SYNE1: variants seen among roughly 807,000 people sequenced by gnomAD.
SYNE1 encodes the protein spectrin repeat containing nuclear envelope protein 1.
A neutral mutation model predicts 1,111.0 loss-of-function variants in SYNE1; 616 were observed. That is an observed-to-expected ratio of 0.55 (90% CI 0.52 to 0.59). The LOEUF (loss-of-function observed/expected upper bound fraction) is 0.59. SYNE1 is among the 20% of genes least tolerant of loss of function. SYNE1 has a pLI of 0.00. For synonymous variants in SYNE1, 3,855 were observed against 3,825.8 expected (o/e 1.01, Z -0.28); for missense variants, 10,006 against 10,417.0 (o/e 0.96, Z 1.72).
intron 46 of SYNE1, among the ~76,000 whole-genome samples, 181 bp from the exon 47 acceptor site, chr6:152,401,522 T>A (rs768367837): frequency 2.8e-4 from 42 of 152,136 alleles, no homozygotes; most frequent in Non-Finnish European, 5.6e-4. Flanking sequence ...GCCAAACACA[T>A]GAAGTGATGG....
chr6:152,451,284 A>C, intron 25 of SYNE1, 79 bp from the exon 26 acceptor site: 1 of 1,479,778 alleles, frequency 6.8e-7, no homozygotes, highest in South Asian at 1.1e-5. Context: ...GGCAAAAAAA[A>C]AAACAAAAAC....
At chr6:152,369,436 G>C in intron 60 of SYNE1, 35 bp downstream of exon 60, 1 of 1,614,024 alleles carries the variant, frequency 6.2e-7, no homozygotes, top group Non-Finnish European at 8.5e-7. Context: ...ACAAAGACTA[G>C]GTCAGATGGG....
chr6:152,527,510 A>G (rs956390338), intron 4 of SYNE1, among the ~76,000 whole-genome samples: 1 of 152,228 alleles, frequency 6.6e-6, no homozygotes, highest in Non-Finnish European at 1.5e-5. Context: ...TCATCAGAAT[A>G]AAAGAAGCCA....
intron 110 of SYNE1, among the ~76,000 whole-genome samples, chr6:152,235,043 T>C (rs936885227): frequency 2.6e-5 from 4 of 152,184 alleles, no homozygotes; most frequent in Non-Finnish European, 4.4e-5. Flanking sequence ...CTCTTTCACA[T>C]TGATGCTACT....
At position 152,409,107 on chromosome 6, in the gene SYNE1, C is replaced by T; in HGVS notation, c.6501G>A (p.Val2167=). ...CCACGGTGCTCTCCATGTCTGTTTT[C>T]ACCAAGCTGAAATCACTACTGTGAA... ...KKIHSSDFSL[V]KTDMESTVDK... The change falls in exon 44 of 146, where the codon GTG becomes GTA. Residue 2167 remains valine, a synonymous_variant. Coordinates refer to ENST00000367255, the MANE Select transcript of SYNE1 (RefSeq NM_182961.4). 6.2e-7 allele frequency: 1 copy of T among 1,614,172 alleles called. No homozygotes were observed. The highest frequency in any genetic ancestry group is 1.1e-5 in the South Asian group (1 of 91,086).
chr6:152,441,247 T>C lies in SYNE1; in HGVS notation c.4032A>G (p.Arg1344=), dbSNP rs762887399. Residue 1344 remains arginine (R), a synonymous_variant, in exon 32 of 146, where the codon CGA becomes CGG. Coordinates refer to ENST00000367255, the MANE Select transcript of SYNE1 (RefSeq NM_182961.4). ...RIQVTLRKWE[R]FETNKETVVR... is the part of the protein sequence containing the mutation. The stretch of plus-strand genomic sequence containing the variant: ...CTACTGTTTCTTTGTTTGTTTCAAA[T>C]CGCTCCCATTTTCTTAATGTGACCT... 38 of 1,609,694 alleles carry C rather than the reference T, an allele frequency of 2.4e-5. No individual in the cohort carries two copies. The highest frequency in any genetic ancestry group is 3.2e-5 in the Non-Finnish European group (38 of 1,177,236).
intron 39 of SYNE1, among the ~76,000 whole-genome samples, chr6:152,424,091 C>T (rs1389254246): frequency 2.0e-5 from 3 of 152,160 alleles, no homozygotes; most frequent in African/African-American, 7.2e-5. Context: ...ATGGACCTGC[C>T]TTGCTTACTG....
At chr6:152,393,257 T>TCCCA (rs1288568140) in intron 51 of SYNE1, among the ~76,000 whole-genome samples, 2 of 152,116 alleles carry the variant, frequency 1.3e-5, no homozygotes, top group African/African-American at 4.8e-5. Context: ...AGTTTTGGTG[T>TCCCA]AATGATGGCA....
intron 13 of SYNE1, 39 bp downstream of exon 13, chr6:152,484,796 T>C: frequency 6.2e-7 from 1 of 1,608,544 alleles, no homozygotes; most frequent in Non-Finnish European, 8.5e-7. Context: ...CTTTTCTAAA[T>C]TTATTAAGCT....
Position 152,269,143 on chromosome 6 carries a change from G to A in SYNE1, c.18705+12C>T. ...AGATCTGCAAGCTAGAGAGAGGTAG[G>A]AAACACTTTACTTTTTGTTGCTGGA... On this transcript the variant is annotated intron_variant, in intron 99 of 145. Transcript: ENST00000367255. 1 of 1,614,182 alleles carries A rather than the reference G, an allele frequency of 6.2e-7. No homozygotes were observed. Among genetic ancestry groups the A allele is most frequent in the South Asian group, 1.1e-5 (1 of 91,078 alleles).
At chr6:152,561,839 G>A (rs2099396243) in intron 3 of SYNE1, among the ~76,000 whole-genome samples, 1 of 152,120 alleles carries the variant, frequency 6.6e-6, no homozygotes, top group African/African-American at 2.4e-5. Flanking sequence ...AATGGTGTTA[G>A]GAAAACTGGC....
In SYNE1 at chr6:152,122,076, C is replaced by T; in HGVS notation, c.*360G>A. Reference sequence around the variant, plus strand: ...ATTTATCTGATGGTTGGAGCAGCACCATGGGAAAGCTGCCCAGATGGTCTA... The same window carrying T: ...ATTTATCTGATGGTTGGAGCAGCACTATGGGAAAGCTGCCCAGATGGTCTA... On this transcript the variant is annotated 3_prime_UTR_variant, in exon 146 of 146. Transcript: ENST00000367255. 1 of 348,916 alleles carries T rather than the reference C, an allele frequency of 2.9e-6. No homozygotes were observed. Among genetic ancestry groups the T allele is most frequent in the Non-Finnish European group, 5.5e-6 (1 of 180,876 alleles). The allele number at this position is 348,916 out of a possible 1,614,324, so 21.6% of individuals were successfully genotyped here. A position where few individuals can be genotyped will look rare whatever the true frequency, so the allele number is the denominator to read the frequency against.
intron 143 of SYNE1, 104 bp downstream of exon 143, chr6:152,133,171 AT>A: frequency 9.0e-7 from 1 of 1,108,778 alleles, no homozygotes; most frequent in Admixed American, 1.7e-5. Context: ...GAGACACTCC[AT>A]TCTGACAAGT....
intron 133 of SYNE1, among the ~76,000 whole-genome samples, chr6:152,154,689 T>A (rs952639843): frequency 2.6e-5 from 4 of 152,146 alleles, no homozygotes; most frequent in African/African-American, 9.7e-5. Flanking sequence ...TGCTTCTTGA[T>A]AATCTTAAAA....
At position 152,192,905 on chromosome 6, in the gene SYNE1, T is replaced by C. The variant is rs150953237; in HGVS notation, c.23146-3498A>G. ...CTATTCCTGCCCTTTTTGCTTTCCATTTGCATAGAATATCGTTTTCCATCC... is the reference window on the plus strand; with the variant it reads ...CTATTCCTGCCCTTTTTGCTTTCCACTTGCATAGAATATCGTTTTCCATCC... On this transcript the variant is annotated intron_variant, in intron 127 of 145. Coordinates refer to ENST00000367255, the MANE Select transcript of SYNE1 (RefSeq NM_182961.4). 2.7e-3 allele frequency among the ~76,000 whole-genome samples: 416 copies of C among 152,272 alleles called. 3 individuals carry two copies. Among genetic ancestry groups the C allele is most frequent in the Non-Finnish European group, 4.6e-3 (311 of 68,014 alleles).
At chr6:152,231,328 A>G in intron 114 of SYNE1, 63 bp downstream of exon 114, 1 of 1,580,230 alleles carries the variant, frequency 6.3e-7, no homozygotes, top group Non-Finnish European at 8.7e-7. Flanking sequence ...AGTCTTCCTT[A>G]CAGAGTGTGC....
In SYNE1 at chr6:152,143,640, T is replaced by C. The variant is rs748981643; in HGVS notation, c.25102A>G (p.Thr8368Ala). 3 of 1,614,080 alleles carry C rather than the reference T, an allele frequency of 1.9e-6. No individual in the cohort carries two copies. The highest frequency in any genetic ancestry group is 2.5e-6 in the Non-Finnish European group (3 of 1,180,044). The change falls in exon 138 of 146, where the codon ACC becomes GCC. Residue 8368 changes from threonine to alanine, a missense_variant. Around this residue, in one of 7 missense-constraint regions of SYNE1, gnomAD observed 761 missense variants for 795.5 expected, o/e 0.96. Transcript: ENST00000367255. ...SKTPTGPELDTSYKGYMKLLG... is the reference protein window; with the variant it reads ...SKTPTGPELDASYKGYMKLLG... The stretch of plus-strand genomic sequence containing the variant: ...ATACTTACGTAGCCTTTGTAGCTGG[T>C]GTCTAGCTCCGGCCCCGTGGGAGTT...
intron 139 of SYNE1, 112 bp from the exon 140 acceptor site, chr6:152,140,273 A>T (rs1401647070): frequency 5.8e-6 from 6 of 1,039,844 alleles, no homozygotes; most frequent in African/African-American, 4.7e-5. Flanking sequence ...AAAGAAAAGT[A>T]ATTCCACTGG....
intron 124 of SYNE1, among the ~76,000 whole-genome samples, chr6:152,208,740 A>C (rs1376040181): frequency 6.6e-6 from 1 of 152,240 alleles, no homozygotes; most frequent in Admixed American, 6.5e-5. Context: ...GTATTCCCTC[A>C]CAATAAACAG....
Sources: gnomAD v4.1 joint callset for allele counts (sites outside exome capture counted in the v4.1 genomes callset) on GRCh38, gnomAD v4.1.1 for gene constraint, gnomAD v4.1.1 regional missense constraint, MANE v1.5 for transcripts, NCBI Gene and HGNC (gene_info 2026-07-23, HGNC 2026-07-21) for gene names.